NBEA: variants seen among roughly 807,000 people sequenced by gnomAD.
NBEA encodes lysosomal-trafficking regulator 2.
Under a neutral mutation model 343.4 loss-of-function variants are expected in NBEA, and 44 were observed. The observed-to-expected ratio is 0.13, with a 90% CI of 0.10 to 0.16. The LOEUF (loss-of-function observed/expected upper bound fraction) is 0.16. Among genes scored for constraint, NBEA ranks in the 10% least tolerant of loss-of-function variants. The pLI is 1.00. For missense variants in NBEA, 2,555 were observed against 3,631.3 expected (o/e 0.70, Z 7.62); for synonymous variants, 1,175 against 1,238.7 (o/e 0.95, Z 1.08).
At chr13:35,228,456 G>C (rs1209344945) in intron 33 of NBEA, among the ~76,000 whole-genome samples, 2 of 151,574 alleles carry the variant, frequency 1.3e-5, no homozygotes, top group Non-Finnish European at 2.9e-5. Context: ...TGTGAAGTCT[G>C]GGCTTTTAGT....
Position 35,396,795 on chromosome 13 carries a change from C to A in NBEA, c.6180-35474C>A, listed in dbSNP as rs189018883. 7.4e-3 allele frequency among the ~76,000 whole-genome samples: 1,131 copies of A among 152,230 alleles called. 7 individuals carry two copies. The highest frequency in any genetic ancestry group is 0.034 in the South Asian group (162 of 4,820). On this transcript the variant is annotated intron_variant, in intron 38 of 58. Transcript: ENST00000379939. Reference sequence around the variant, plus strand: ...AGATTCAATTTATGAGGCGTTTACTCCTCCAAACCGGAAGTAGAACTCGAA... The same window carrying A: ...AGATTCAATTTATGAGGCGTTTACTACTCCAAACCGGAAGTAGAACTCGAA...
chr13:35,256,783 C>T (rs2032653049), intron 34 of NBEA, among the ~76,000 whole-genome samples: 2 of 152,354 alleles, frequency 1.3e-5, no homozygotes, highest in South Asian at 2.1e-4. Flanking sequence ...CAACTTTGCT[C>T]TGCCCAGGAG....
At chr13:35,644,403 C>A (rs1449080787) in intron 49 of NBEA, among the ~76,000 whole-genome samples, 2 of 152,092 alleles carry the variant, frequency 1.3e-5, no homozygotes, top group Non-Finnish European at 2.9e-5. Context: ...CATTTCATAA[C>A]ATTTTCTAGT....
chr13:35,115,349 T>TA (rs1189161722), intron 13 of NBEA, among the ~76,000 whole-genome samples: 1 of 151,974 alleles, frequency 6.6e-6, no homozygotes, highest in Non-Finnish European at 1.5e-5. Flanking sequence ...TAAATATAAA[T>TA]ATAAAATGAA....
chr13:35,298,393 A>C (rs542232491), intron 35 of NBEA, among the ~76,000 whole-genome samples: 2 of 151,494 alleles, frequency 1.3e-5, no homozygotes, highest in South Asian at 2.1e-4. Context: ...ATGATCTCTA[A>C]ATTTCTCTAC....
intron 33 of NBEA, among the ~76,000 whole-genome samples, chr13:35,231,791 C>T (rs536402717): frequency 6.6e-5 from 10 of 152,206 alleles, no homozygotes; most frequent in Admixed American, 4.6e-4. Context: ...CAGTCTTACT[C>T]CAAAGCACTT....
intron 34 of NBEA, among the ~76,000 whole-genome samples, chr13:35,252,302 G>T (rs1363867835): frequency 2.0e-5 from 3 of 152,166 alleles, no homozygotes; most frequent in African/African-American, 7.2e-5. Context: ...TGAACAGCAT[G>T]GGAGAAATCA....
chr13:35,129,609 T>C (rs550090515), intron 17 of NBEA, among the ~76,000 whole-genome samples: 3 of 151,514 alleles, frequency 2.0e-5, no homozygotes, highest in African/African-American at 4.8e-5. Context: ...ATTACAACCA[T>C]GACATTAAGA....
chr13:35,073,837 G>A (rs2063988123), intron 10 of NBEA, among the ~76,000 whole-genome samples: 1 of 152,120 alleles, frequency 6.6e-6, no homozygotes. Context: ...AGCTACTGGG[G>A]AGGCTGAGGT....
At chr13:35,088,285 G>A (rs1401908613) in intron 10 of NBEA, among the ~76,000 whole-genome samples, 1 of 151,854 alleles carries the variant, frequency 6.6e-6, no homozygotes, top group African/African-American at 2.4e-5. Context: ...AAAGGTAACA[G>A]GTTTAATATA....
chr13:35,197,192 C>T (rs74048941), intron 31 of NBEA, among the ~76,000 whole-genome samples: 6,683 of 152,040 alleles, frequency 0.044, 170 homozygotes, highest in South Asian at 0.079. Flanking sequence ...ATAATGTTTG[C>T]GTGTTAATGT....
intron 1 of NBEA, among the ~76,000 whole-genome samples, chr13:34,994,464 G>T (rs988371688): frequency 3.9e-5 from 6 of 152,174 alleles, no homozygotes; most frequent in South Asian, 4.1e-4. Context: ...GCAATTGAGA[G>T]TGTTGATGAT....
At chr13:35,041,789 G>A (rs992561940) in intron 2 of NBEA, among the ~76,000 whole-genome samples, 10 of 151,814 alleles carry the variant, frequency 6.6e-5, no homozygotes, top group African/African-American at 9.7e-5. Context: ...ACCACCAACC[G>A]TTTACTACCT....
intron 39 of NBEA, among the ~76,000 whole-genome samples, chr13:35,440,708 C>A (rs2152936767): frequency 6.6e-6 from 1 of 152,210 alleles, no homozygotes; most frequent in South Asian, 2.1e-4. Flanking sequence ...TGTCGTTAAA[C>A]AATTTTTATT....
At chr13:35,423,803 G>C (rs1170337447) in intron 38 of NBEA, among the ~76,000 whole-genome samples, 3 of 152,102 alleles carry the variant, frequency 2.0e-5, no homozygotes, top group Non-Finnish European at 2.9e-5. Context: ...TCTTCCATTT[G>C]TTTGTATCCT....
rs952584081 is a variant in NBEA at position 35,349,236 on chromosome 13, C to G, written c.6012+20C>G. 7.0e-7 allele frequency: 1 copy of G among 1,433,292 alleles called. No homozygotes were observed. The highest frequency in any genetic ancestry group is 1.4e-5 in the African/African-American group (1 of 70,454). 88.8% of individuals were successfully genotyped at this position (1,433,292 alleles called of 1,614,324 possible). A position where few individuals can be genotyped will look rare whatever the true frequency, so the allele number is the denominator to read the frequency against. On this transcript the variant is annotated intron_variant, in intron 37 of 58. Coordinates refer to ENST00000379939, the MANE Select transcript of NBEA (RefSeq NM_001385012.1). ...TTTGAGGTAAGGTTTTGGGAGTAGA[C>G]TAAATTCTGCCTTTCTATTATAAGC...
chr13:35,570,394 T>G (rs1333404170), intron 45 of NBEA, among the ~76,000 whole-genome samples: 1 of 152,226 alleles, frequency 6.6e-6, no homozygotes, highest in Non-Finnish European at 1.5e-5. Flanking sequence ...AGCTTTTCCT[T>G]TTGTGCCTCA....
intron 10 of NBEA, among the ~76,000 whole-genome samples, chr13:35,083,044 G>C (rs1333279221): frequency 6.6e-6 from 1 of 152,012 alleles, no homozygotes; most frequent in African/African-American, 2.4e-5. Flanking sequence ...GGGTTTTTAT[G>C]GTTTTAGGTC....
chr13:35,306,870 C>T (rs1405233579), intron 35 of NBEA, among the ~76,000 whole-genome samples: 1 of 152,062 alleles, frequency 6.6e-6, no homozygotes, highest in African/African-American at 2.4e-5. Flanking sequence ...GGAATACCTT[C>T]TCAGCCTAGA....
Sources: gnomAD v4.1 joint callset for allele counts (sites outside exome capture counted in the v4.1 genomes callset) on GRCh38, gnomAD v4.1.1 for gene constraint, MANE v1.5 for transcripts, NCBI Gene and HGNC (gene_info 2026-07-23, HGNC 2026-07-21) for gene names.